Variants in FGF12 observed in about 807,000 individuals in gnomAD.
FGF12 encodes the protein fibroblast growth factor 12B.
A neutral mutation model predicts 23.6 loss-of-function variants in FGF12; 14 were observed. That is an observed-to-expected ratio of 0.59 (90% confidence interval 0.39 to 0.93). The LOEUF is 0.93. FGF12 is among the 40% of genes least tolerant of loss of function. FGF12 has a pLI of 0.00. For synonymous variants in FGF12, 62 were observed against 77.3 expected, an observed-to-expected ratio of 0.80 and a Z score of 1.04; for missense variants, 175 against 217.8, an observed-to-expected ratio of 0.80 and a Z score of 1.24.
chr3:192,170,287 A>C (rs1414620074), intron 5 of FGF12, among the ~76,000 whole-genome samples, 171 bp downstream of exon 5: 1 of 145,230 alleles, frequency 6.9e-6, no homozygotes, highest in East Asian at 2.1e-4. Context: ...CTCAAAAGAA[A>C]AAAAAAAAAA....
intron 2 of FGF12, among the ~76,000 whole-genome samples, chr3:192,558,234 T>A (rs1156596815): frequency 6.6e-6 from 1 of 151,880 alleles, no homozygotes. Context: ...TCAGCAAAGC[T>A]GCAAGATACA....
chr3:192,671,782 C>G (rs1577112441), intron 2 of FGF12, among the ~76,000 whole-genome samples: 1 of 43,326 alleles, frequency 2.3e-5, no homozygotes, highest in Non-Finnish European at 4.9e-5. Context: ...GACCAACACA[C>G]ACACACACAC....
intron 5 of FGF12, among the ~76,000 whole-genome samples, chr3:192,149,224 T>C (rs942452974): frequency 1.3e-5 from 2 of 152,216 alleles, no homozygotes; most frequent in African/African-American, 4.8e-5. Context: ...TTACGTGATA[T>C]GGATACAACT....
chr3:192,162,207 T>C (rs1349076830), intron 5 of FGF12, among the ~76,000 whole-genome samples: 1 of 152,076 alleles, frequency 6.6e-6, no homozygotes, highest in Non-Finnish European at 1.5e-5. Flanking sequence ...GTGTGGGAAA[T>C]TTACCTAAAG....
chr3:192,492,386 A>G (rs1723826643), intron 2 of FGF12, among the ~76,000 whole-genome samples: 1 of 152,124 alleles, frequency 6.6e-6, no homozygotes, highest in Non-Finnish European at 1.5e-5. Context: ...ATACACACAC[A>G]CACGCAAAGG....
intron 2 of FGF12, among the ~76,000 whole-genome samples, chr3:192,534,467 C>T (rs62294949): frequency 0.011 from 1,619 of 152,122 alleles, 15 homozygotes; most frequent in Non-Finnish European, 0.014. Flanking sequence ...ATGATCTTGC[C>T]TCACTGCAAC....
intron 4 of FGF12, among the ~76,000 whole-genome samples, chr3:192,307,962 C>A (rs1014631070): frequency 3.3e-5 from 5 of 152,010 alleles, no homozygotes; most frequent in African/African-American, 1.2e-4. Flanking sequence ...GAATAAGACA[C>A]CAAAAATATA....
intron 5 of FGF12, among the ~76,000 whole-genome samples, chr3:192,145,012 C>T (rs1713618193): frequency 1.3e-5 from 2 of 152,152 alleles, no homozygotes; most frequent in Non-Finnish European, 2.9e-5. Context: ...GGTATCTCCA[C>T]CTATTAAACC....
rs1416618568 is a variant in FGF12, at chr3:192,467,066, ATTGT to A, written c.14-106532_14-106529del. ...TTTATAATTTTTAGGTTTTTTCTTA[ATTGT>A]TTGTAACATCTGCATAGAGTAAATT... On this transcript the variant is annotated intron_variant, in intron 2 of 5. Coordinates refer to ENST00000445105, the MANE Select transcript of FGF12 (RefSeq NM_004113.6). Among the ~76,000 whole-genome samples the A allele has an allele frequency of 3.3e-5, 5 of 152,304 alleles. No individual in the cohort carries two copies. The East Asian group carries it at 9.6e-4, about 29-fold the overall frequency.
intron 2 of FGF12, among the ~76,000 whole-genome samples, chr3:192,487,852 G>A (rs911109326): frequency 5.3e-5 from 8 of 152,028 alleles, no homozygotes; most frequent in South Asian, 4.1e-4. Context: ...GTATTAGGTC[G>A]GGAATTTTAA....
chr3:192,290,877 G>T (rs1490572785), intron 4 of FGF12, among the ~76,000 whole-genome samples: 1 of 151,970 alleles, frequency 6.6e-6, no homozygotes, highest in Admixed American at 6.6e-5. Context: ...AAGCTATAAA[G>T]TTATTTACTT....
chr3:192,408,725 G>A lies in FGF12; in HGVS notation c.14-48187C>T, dbSNP rs951768866. ...TACAAAGCAGAGTCTGGACCCAGGC[G>A]GGTAGCGCGCCCCCGGTAGAAAATA... On this transcript the variant is annotated intron_variant, in intron 2 of 5. Transcript: ENST00000445105. The surrounding 1 kb of genome is among the most constrained non-coding windows in gnomAD (Gnocchi z 7.3). 1 of 987,176 alleles carries A rather than the reference G, an allele frequency of 1.0e-6. No individual in the cohort carries two copies. The highest frequency in any genetic ancestry group is 4.7e-5 in the South Asian group (1 of 21,322). 61.2% of individuals were successfully genotyped at this position (987,176 alleles called of 1,614,324 possible).
chr3:192,217,818 T>A (rs1278738369), intron 4 of FGF12, among the ~76,000 whole-genome samples: 2 of 152,014 alleles, frequency 1.3e-5, no homozygotes, highest in African/African-American at 4.8e-5. Context: ...TCTTGTCACT[T>A]TTCTTTTTTT....
intron 2 of FGF12, among the ~76,000 whole-genome samples, chr3:192,467,406 T>TA (rs1405670177): frequency 1.3e-5 from 2 of 152,204 alleles, no homozygotes; most frequent in African/African-American, 4.8e-5. Context: ...ACTCTTTTGT[T>TA]AGTTTCCCAG....
intron 2 of FGF12, among the ~76,000 whole-genome samples, chr3:192,466,190 A>C (rs1165858617): frequency 6.6e-6 from 1 of 152,154 alleles, no homozygotes; most frequent in Admixed American, 6.6e-5. Flanking sequence ...GTATCTAAAC[A>C]TATCTAAACA....
intron 2 of FGF12, among the ~76,000 whole-genome samples, chr3:192,627,889 T>C (rs1715233123): frequency 6.6e-6 from 1 of 151,740 alleles, no homozygotes; most frequent in African/African-American, 2.4e-5. Flanking sequence ...TTTAGTTATA[T>C]ACAATTTTAT....
intron 4 of FGF12, among the ~76,000 whole-genome samples, chr3:192,180,835 C>T (rs544417381): frequency 6.6e-6 from 1 of 152,148 alleles, no homozygotes. Context: ...GGTGTTTGAT[C>T]TTTGAGAGAA....
At chr3:192,167,765 ATAT>A (rs1715289600) in intron 5 of FGF12, among the ~76,000 whole-genome samples, 2 of 32,372 alleles carry the variant, frequency 6.2e-5, no homozygotes, top group African/African-American at 1.2e-4. Flanking sequence ...ATATATATAT[ATAT>A]AAAATTTTTT....
chr3:192,561,323 C>T (rs752701769), intron 2 of FGF12, among the ~76,000 whole-genome samples: 1 of 151,908 alleles, frequency 6.6e-6, no homozygotes, highest in Non-Finnish European at 1.5e-5. Context: ...CATCATTAGT[C>T]TTCAGCGAAA....
Sources: gnomAD v4.1 joint callset for allele counts (sites outside exome capture counted in the v4.1 genomes callset) on GRCh38, gnomAD v4.1.1 for gene constraint, Gnocchi (gnomAD v3.1) non-coding constraint, MANE v1.5 for transcripts, NCBI Gene and HGNC (gene_info 2026-07-23, HGNC 2026-07-21) for gene names.